The following RCAN2 variants were observed in gnomAD, a reference collection of about 807,000 sequenced individuals.
The protein encoded by RCAN2 is calcipressin-2.
In RCAN2, 9 loss-of-function variants were observed where a neutral mutation model predicts 23.6. That is an observed-to-expected ratio of 0.38 (90% CI 0.23 to 0.67). RCAN2 has a LOEUF of 0.67. Among genes scored for constraint, RCAN2 ranks in the 30% least tolerant of loss-of-function variants. RCAN2 has a pLI of 0.51. For missense variants in RCAN2, 273 were observed against 302.3 expected, an observed-to-expected ratio of 0.90 and a Z score of 0.72; for synonymous variants, 109 against 115.7, an observed-to-expected ratio of 0.94 and a Z score of 0.37.
intron 2 of RCAN2, among the ~76,000 whole-genome samples, chr6:46,438,802 C>G (rs1242057422): frequency 6.6e-6 from 1 of 152,124 alleles, no homozygotes; most frequent in African/African-American, 2.4e-5. Flanking sequence ...TGAGGGCTTG[C>G]ATTTCTTTCA....
At chr6:46,376,754 G>A (rs1765475528) in intron 2 of RCAN2, among the ~76,000 whole-genome samples, 2 of 150,130 alleles carry the variant, frequency 1.3e-5, no homozygotes, top group African/African-American at 4.9e-5. Flanking sequence ...CCTCCACTCA[G>A]AGCAAAAAGG....
chr6:46,276,139 G>C (rs1561838936), intron 2 of RCAN2, among the ~76,000 whole-genome samples: 2 of 152,174 alleles, frequency 1.3e-5, no homozygotes, highest in East Asian at 3.9e-4. Flanking sequence ...CTAGGAGGTG[G>C]AGGTTGCATT....
chr6:46,246,150 T>C (rs765571090), intron 4 of RCAN2, among the ~76,000 whole-genome samples: 1 of 152,124 alleles, frequency 6.6e-6, no homozygotes, highest in Non-Finnish European at 1.5e-5. Context: ...CTAAATAAAG[T>C]GTGGTGGTAG....
chr6:46,282,684 T>G (rs759942559), intron 2 of RCAN2, among the ~76,000 whole-genome samples: 18 of 152,234 alleles, frequency 1.2e-4, no homozygotes, highest in Non-Finnish European at 2.5e-4. Flanking sequence ...TTCATCTTTA[T>G]GATTCAATGA....
At chr6:46,266,493 A>T (rs1286517440) in intron 2 of RCAN2, among the ~76,000 whole-genome samples, 1 of 152,220 alleles carries the variant, frequency 6.6e-6, no homozygotes, top group African/African-American at 2.4e-5. Context: ...GTGCAGAGAC[A>T]TTCAAATAGT....
intron 2 of RCAN2, among the ~76,000 whole-genome samples, chr6:46,296,740 A>C (rs1762739504): frequency 6.6e-6 from 1 of 152,128 alleles, no homozygotes; most frequent in Non-Finnish European, 1.5e-5. Context: ...CTATGATGTT[A>C]TGGAAATCTC....
At chr6:46,270,683 C>CA (rs1205187847) in intron 2 of RCAN2, among the ~76,000 whole-genome samples, 1 of 152,096 alleles carries the variant, frequency 6.6e-6, no homozygotes, top group African/African-American at 2.4e-5. Flanking sequence ...GGAATGCACA[C>CA]AAAAAAACTG....
chr6:46,292,291 A>G (rs1411890394), intron 2 of RCAN2, among the ~76,000 whole-genome samples: 2 of 152,208 alleles, frequency 1.3e-5, no homozygotes, highest in Non-Finnish European at 2.9e-5. Context: ...GATTATAGGC[A>G]AGCAATTATT....
chr6:46,263,322 A>T lies in RCAN2; in HGVS notation c.226-14426T>A, dbSNP rs2584081. Among the ~76,000 whole-genome samples the T allele has an allele frequency of 9.2e-3, 1,395 of 152,264 alleles. 23 individuals carry two copies. The highest frequency in any genetic ancestry group is 0.032 in the African/African-American group (1,330 of 41,554). ...AGGGATGCCAAAATAAAAATTATAC[A>T]AATTTCTTCTCGGAAGTCTTTCTTG... On this transcript the variant is annotated intron_variant, in intron 2 of 4. Coordinates refer to ENST00000371374, the MANE Select transcript of RCAN2 (RefSeq NM_001251974.2).
intron 2 of RCAN2, among the ~76,000 whole-genome samples, chr6:46,450,455 A>T (rs986028064): frequency 2.0e-5 from 3 of 152,104 alleles, no homozygotes; most frequent in Admixed American, 2.0e-4. Flanking sequence ...ATACATCTAA[A>T]TAAAATGAAA....
intron 2 of RCAN2, among the ~76,000 whole-genome samples, chr6:46,326,772 G>T (rs776064978): frequency 6.6e-6 from 1 of 152,090 alleles, no homozygotes; most frequent in Non-Finnish European, 1.5e-5. Context: ...ACATATGACT[G>T]GACAAAAGCC....
At chr6:46,273,163 G>A (rs772491563) in intron 2 of RCAN2, among the ~76,000 whole-genome samples, 1 of 152,106 alleles carries the variant, frequency 6.6e-6, no homozygotes, top group African/African-American at 2.4e-5. Flanking sequence ...GGCAGCTCAC[G>A]CTCACACTAT....
chr6:46,447,968 G>A (rs891487748), intron 2 of RCAN2, among the ~76,000 whole-genome samples: 1 of 151,620 alleles, frequency 6.6e-6, no homozygotes, highest in Admixed American at 6.6e-5. Flanking sequence ...CCCAAAGTTA[G>A]TAGAATGAAG....
At chr6:46,442,640 C>A (rs532491318) in intron 2 of RCAN2, among the ~76,000 whole-genome samples, 1 of 152,242 alleles carries the variant, frequency 6.6e-6, no homozygotes, top group East Asian at 1.9e-4. Flanking sequence ...TAATATCATA[C>A]CAGAATAAAT....
chr6:46,442,722 A>G (rs1016447415), intron 2 of RCAN2, among the ~76,000 whole-genome samples: 4 of 152,218 alleles, frequency 2.6e-5, no homozygotes, highest in Non-Finnish European at 4.4e-5. Context: ...CACAGAATCC[A>G]AATACTCTCA....
intron 2 of RCAN2, among the ~76,000 whole-genome samples, chr6:46,315,385 A>T (rs1308620384): frequency 6.6e-6 from 1 of 152,088 alleles, no homozygotes. Context: ...AGGCAGGATG[A>T]GGGGTGGAGC....
At chr6:46,447,884 A>C (rs1261485859) in intron 2 of RCAN2, among the ~76,000 whole-genome samples, 1 of 151,724 alleles carries the variant, frequency 6.6e-6, no homozygotes, top group Non-Finnish European at 1.5e-5. Context: ...ACATGCCTAC[A>C]TCAAAAAAGA....
At chr6:46,365,199 G>A (rs897153186) in intron 2 of RCAN2, among the ~76,000 whole-genome samples, 3 of 152,118 alleles carry the variant, frequency 2.0e-5, no homozygotes, top group African/African-American at 7.2e-5. Context: ...CTTCTAGCTA[G>A]GCACGGTGGC....
chr6:46,327,428 TGCAAAACTCACTCAGGGTTAA>T (rs1763828779), intron 2 of RCAN2, among the ~76,000 whole-genome samples: 1 of 152,138 alleles, frequency 6.6e-6, no homozygotes, highest in Admixed American at 6.5e-5. Context: ...GGCATTTGGA[TGCAAAACTCACTCAGGGTTAA>T]ATCTGGCTGG....
Sources: gnomAD v4.1 joint callset for allele counts (sites outside exome capture counted in the v4.1 genomes callset) on GRCh38, gnomAD v4.1.1 for gene constraint, MANE v1.5 for transcripts, NCBI Gene and HGNC (gene_info 2026-07-23, HGNC 2026-07-21) for gene names.